Variants in HECW2 observed in about 807,000 individuals in gnomAD.
The protein encoded by HECW2 is E3 ubiquitin-protein ligase HECW2.
In HECW2, 61 loss-of-function variants were observed where a neutral mutation model predicts 175.2. That is an observed-to-expected ratio of 0.35 (90% CI 0.28 to 0.43). The LOEUF is 0.43. HECW2 is among the 20% of genes least tolerant of loss of function. The pLI, the probability that HECW2 is intolerant of heterozygous loss-of-function variation, is 1.00. For synonymous variants in HECW2, 671 were observed against 731.0 expected (o/e 0.92, Z 1.32); for missense variants, 1,524 against 2,000.5 (o/e 0.76, Z 4.54).
intron 13 of HECW2, among the ~76,000 whole-genome samples, chr2:196,301,336 A>G (rs115938594): frequency 1.3e-5 from 2 of 152,246 alleles, no homozygotes; most frequent in Admixed American, 6.5e-5. Flanking sequence ...CGCAATGAAC[A>G]TACATGTTCA....
At chr2:196,261,210 T>C (rs1377957206) in intron 17 of HECW2, among the ~76,000 whole-genome samples, 1 of 152,146 alleles carries the variant, frequency 6.6e-6, no homozygotes, top group Non-Finnish European at 1.5e-5. Flanking sequence ...AATGATCAAG[T>C]GGGGTTAAGT....
chr2:196,507,176 T>TACACAAACTAATACGTGTATATTAC (rs1687790136), intron 1 of HECW2, among the ~76,000 whole-genome samples: 1 of 151,368 alleles, frequency 6.6e-6, no homozygotes, highest in African/African-American at 2.4e-5. Context: ...ATGTGTATAT[T>TACACAAACTAATACGTGTATATTAC]ACACACACTA....
chr2:196,249,635 C>T (rs1488915983), intron 19 of HECW2, among the ~76,000 whole-genome samples: 1 of 152,144 alleles, frequency 6.6e-6, no homozygotes, highest in Non-Finnish European at 1.5e-5. Context: ...TTTCACAAAA[C>T]CTTCAGGAAT....
chr2:196,242,314 G>T, intron 19 of HECW2, 110 bp from the exon 20 acceptor site: 2 of 1,372,656 alleles, frequency 1.5e-6, no homozygotes, highest in Non-Finnish European at 2.0e-6. Flanking sequence ...TGAGGCAACT[G>T]TCTTAACTTC....
chr2:196,292,514 C>T lies in HECW2; in HGVS notation c.3000+51G>A, dbSNP rs80202128. ...AGGGTAGGGCCAAGTGTCGAAGCCA[C>T]AAGCAGCCCACAGGCATTTGGCACT... On this transcript the variant is annotated intron_variant, in intron 14 of 28. Transcript: ENST00000644978. The T allele has an allele frequency of 0.013, 19,283 of 1,529,618 alleles. 1,996 individuals are homozygous for T. In the African/African-American group the frequency reaches 0.23, roughly 18 times the overall value. 94.8% of individuals were successfully genotyped at this position (1,529,618 alleles called of 1,614,324 possible).
chr2:196,544,940 C>G (rs1689360939), intron 1 of HECW2, among the ~76,000 whole-genome samples: 1 of 152,204 alleles, frequency 6.6e-6, no homozygotes, highest in African/African-American at 2.4e-5. Flanking sequence ...TTAGAAACCC[C>G]ATGAGTTGCC....
At chr2:196,293,721 C>T (rs548559847) in intron 13 of HECW2, among the ~76,000 whole-genome samples, 25 of 152,266 alleles carry the variant, frequency 1.6e-4, no homozygotes, top group African/African-American at 6.0e-4. Context: ...ATGAATATGC[C>T]ACCTTACAGA....
chr2:196,383,532 G>A (rs976490201), intron 2 of HECW2, among the ~76,000 whole-genome samples: 1 of 152,172 alleles, frequency 6.6e-6, no homozygotes, highest in Non-Finnish European at 1.5e-5. Flanking sequence ...CTTCAGGCAG[G>A]TAACTAGAAA....
chr2:196,388,468 T>A (rs1050213652), intron 2 of HECW2, among the ~76,000 whole-genome samples: 1 of 152,180 alleles, frequency 6.6e-6, no homozygotes, highest in African/African-American at 2.4e-5. Flanking sequence ...AACAACCTTA[T>A]AAATTAGATG....
intron 1 of HECW2, among the ~76,000 whole-genome samples, chr2:196,567,247 T>C (rs1346872256): frequency 6.6e-6 from 1 of 152,166 alleles, no homozygotes; most frequent in Non-Finnish European, 1.5e-5. Context: ...CCCACCTGTT[T>C]CCCTTAAGTA....
intron 13 of HECW2, among the ~76,000 whole-genome samples, chr2:196,298,572 T>C (rs920763907): frequency 1.3e-5 from 2 of 152,220 alleles, no homozygotes; most frequent in South Asian, 2.1e-4. Flanking sequence ...TATGTATACA[T>C]GTGCCATGTT....
intron 13 of HECW2, among the ~76,000 whole-genome samples, chr2:196,303,815 TCTAG>T (rs1451796921): frequency 1.3e-5 from 2 of 152,212 alleles, no homozygotes; most frequent in African/African-American, 2.4e-5. Flanking sequence ...ACTTTATTAG[TCTAG>T]CTACAGTTGC....
chr2:196,453,029 C>A (rs939928166), intron 1 of HECW2, among the ~76,000 whole-genome samples: 1 of 152,044 alleles, frequency 6.6e-6, no homozygotes, highest in African/African-American at 2.4e-5. Context: ...GTAAAATTTG[C>A]TTTTTATAGC....
chr2:196,278,598 C>T lies in HECW2; in HGVS notation c.3065G>A (p.Ser1022Asn), dbSNP rs1219362327. Residue 1022 changes from serine to asparagine, a missense_variant, in exon 15 of 29, where the codon AGC (serine) becomes AAC (asparagine). Physicochemically the swap from Ser to Asn is conservative, Grantham distance 46 (BLOSUM62 1). Transcript: ENST00000644978. ...AACCAGCGCACTTGTGGGTCTACTG[C>T]TCTGAAGTGGGAGCCGGGGATCAAT... ...TFIDPRLPLQ[S>N]SRPTSALVHR... The T allele has an allele frequency of 6.2e-7, 1 of 1,613,982 alleles. No homozygotes were observed. Among genetic ancestry groups the T allele is most frequent in the African/African-American group, 1.3e-5 (1 of 74,882 alleles).
At chr2:196,384,780 T>C (rs1694302852) in intron 2 of HECW2, among the ~76,000 whole-genome samples, 1 of 152,218 alleles carries the variant, frequency 6.6e-6, no homozygotes, top group African/African-American at 2.4e-5. Context: ...GATTAACTTC[T>C]TTAGCATGCT....
At chr2:196,331,310 A>G in intron 4 of HECW2, 1 of 983,124 alleles carries the variant, frequency 1.0e-6, no homozygotes, top group Non-Finnish European at 1.2e-6. Context: ...ACTAGGGCAG[A>G]GGCAGCAGTA....
chr2:196,341,146 T>C (rs1012255512), intron 3 of HECW2, among the ~76,000 whole-genome samples: 6 of 152,196 alleles, frequency 3.9e-5, no homozygotes, highest in African/African-American at 1.4e-4. Flanking sequence ...AAATGGGCTT[T>C]TTCTCACATT....
intron 5 of HECW2, among the ~76,000 whole-genome samples, chr2:196,325,435 C>A (rs1454555779): frequency 6.6e-6 from 1 of 152,186 alleles, no homozygotes; most frequent in Non-Finnish European, 1.5e-5. Context: ...TAACAGGCCG[C>A]AAAAGTGAAG....
chr2:196,303,346 A>G (rs1174060222), intron 13 of HECW2, among the ~76,000 whole-genome samples: 2 of 152,202 alleles, frequency 1.3e-5, no homozygotes, highest in Non-Finnish European at 2.9e-5. Context: ...AATGCTCATC[A>G]AGGATATTGG....
Sources: gnomAD v4.1 joint callset for allele counts (sites outside exome capture counted in the v4.1 genomes callset) on GRCh38, gnomAD v4.1.1 for gene constraint, MANE v1.5 for transcripts, NCBI Gene and HGNC (gene_info 2026-07-23, HGNC 2026-07-21) for gene names.